Variants in C10orf143 observed in about 807,000 individuals in gnomAD.
The protein encoded by C10orf143 is chromosome 10 open reading frame 143.
Position 130,079,817 on chromosome 10 carries a change from G to A in C10orf143, c.154C>T (p.Pro52Ser), listed in dbSNP as rs934622546. 2.3e-5 allele frequency: 9 copies of A among 398,510 alleles called. No individual in the cohort carries two copies. The highest frequency in any genetic ancestry group is 1.0e-4 in the African/African-American group (5 of 48,618). The allele number at this position is 398,510 out of a possible 1,614,324, so 24.7% of individuals were successfully genotyped here. Residue 52 changes from proline (P) to serine (S), a missense_variant, in exon 2 of 4, where the codon CCA (proline) becomes TCA (serine). By Grantham distance (74) the Pro-to-Ser change is moderately conservative (BLOSUM62 -1). Coordinates refer to ENST00000637128, the MANE Select transcript of C10orf143 (RefSeq NM_001355042.2). ...CTTGATGGAAGCTCCCGGTCCTCTG[G>A]GCCCCAGGACGCCAGGGCACAGGCA... ...VNACALASWGPEDRELPSRGC... is the reference protein window; with the variant it reads ...VNACALASWGSEDRELPSRGC...
At chr10:130,050,106 A>G (rs1860719458) in intron 3 of C10orf143, among the ~76,000 whole-genome samples, 2 of 152,242 alleles carry the variant, frequency 1.3e-5, no homozygotes, top group Non-Finnish European at 2.9e-5. Context: ...GGCAGGATTC[A>G]AAAACAGAAA....
intron 1 of C10orf143, chr10:130,107,936 G>A (rs538956395): frequency 1.1e-4 from 152 of 1,410,586 alleles, no homozygotes; most frequent in East Asian, 1.4e-4. Flanking sequence ...TAACTCTGGT[G>A]GACTGTCTGG....
At chr10:130,072,249 A>G (rs1018984887) in intron 3 of C10orf143, among the ~76,000 whole-genome samples, 4 of 152,204 alleles carry the variant, frequency 2.6e-5, no homozygotes, top group African/African-American at 9.7e-5. Flanking sequence ...TCTGATGGAT[A>G]ATTTCCCTTG....
downstream of C10orf143, chr10:130,063,890 AG>A (rs149359471): frequency 6.5e-6 from 1 of 153,362 alleles, no homozygotes; most frequent in African/African-American, 2.4e-5. Flanking sequence ...CTCCAAGATT[AG>A]AACATTTTAA....
intron 1 of C10orf143, chr10:130,105,926 C>A: frequency 2.7e-6 from 1 of 373,300 alleles, no homozygotes. Flanking sequence ...GCAGCCGGCT[C>A]CACAATGGTC....
At chr10:130,083,094 G>T (rs989420507) in intron 1 of C10orf143, among the ~76,000 whole-genome samples, 1 of 152,022 alleles carries the variant, frequency 6.6e-6, no homozygotes, top group Non-Finnish European at 1.5e-5. Flanking sequence ...AGCAAAAAAG[G>T]ACCAAAAACC....
At chr10:130,106,135 G>C (rs774533711) in intron 1 of C10orf143, 1 of 732,808 alleles carries the variant, frequency 1.4e-6, no homozygotes, top group African/African-American at 1.7e-5. Context: ...CTGAAAGTAT[G>C]AGACTGGATT....
chr10:130,082,728 C>T (rs892332575), intron 1 of C10orf143, among the ~76,000 whole-genome samples: 3 of 152,190 alleles, frequency 2.0e-5, no homozygotes, highest in Admixed American at 1.3e-4. Flanking sequence ...TCTTTATCAG[C>T]AGCGTGAAAA....
intron 3 of C10orf143, among the ~76,000 whole-genome samples, chr10:130,075,547 C>T (rs1479759735): frequency 6.6e-6 from 1 of 152,132 alleles, no homozygotes; most frequent in Non-Finnish European, 1.5e-5. Context: ...AACAGAGGGA[C>T]TGTAACAAGA....
At chr10:130,108,355 AC>A (rs1861699877) in intron 1 of C10orf143, 1 of 1,287,246 alleles carries the variant, frequency 7.8e-7, no homozygotes, top group Non-Finnish European at 1.1e-6. Flanking sequence ...TTTTCCCCCG[AC>A]CCCCACATTC....
intron 3 of C10orf143, among the ~76,000 whole-genome samples, chr10:130,052,985 G>A (rs1860753391): frequency 6.6e-6 from 1 of 152,212 alleles, no homozygotes; most frequent in South Asian, 2.1e-4. Context: ...TCTATGAATT[G>A]TGTATACAGA....
chr10:130,049,608 G>A lies in C10orf143; in HGVS notation c.298-13638C>T, dbSNP rs931472783. On this transcript the variant is annotated intron_variant and NMD_transcript_variant, in intron 3 of 5. Coordinates refer to the C10orf143 transcript ENST00000643056. ...CACTCAGACCGGTGGGTGCTCAAAG[G>A]TGGGTCCTGATAAGGGAACCTACAG... 3.9e-5 allele frequency among the ~76,000 whole-genome samples: 6 copies of A among 152,284 alleles called. No individual in the cohort carries two copies. In the East Asian group the frequency reaches 7.7e-4, roughly 20 times the overall value.
Position 130,093,226 on chromosome 10 carries a change from A to G in C10orf143, c.70-13325T>C, listed in dbSNP as rs183781742. On this transcript the variant is annotated intron_variant, in intron 1 of 3. Coordinates refer to ENST00000637128, the MANE Select transcript of C10orf143 (RefSeq NM_001355042.2). ...AAATCAAAACAGTCTCTCAGACCACAGTGCAATCAAATTAGAATTCAGGAT... is the reference window on the plus strand; with the variant it reads ...AAATCAAAACAGTCTCTCAGACCACGGTGCAATCAAATTAGAATTCAGGAT... Among the ~76,000 whole-genome samples, 86 of 152,382 alleles carry G rather than the reference A, an allele frequency of 5.6e-4. 1 individual carries two copies. Among genetic ancestry groups the G allele is most frequent in the African/African-American group, 1.9e-3 (80 of 41,592 alleles).
intron 1 of C10orf143, among the ~76,000 whole-genome samples, chr10:130,082,005 C>T (rs1295960702): frequency 6.6e-6 from 1 of 151,560 alleles, no homozygotes; most frequent in Non-Finnish European, 1.5e-5. Context: ...AATAAAACAA[C>T]TCCTGGACAC....
chr10:130,053,989 T>C (rs1860768878), intron 3 of C10orf143, among the ~76,000 whole-genome samples: 2 of 152,166 alleles, frequency 1.3e-5, no homozygotes, highest in Admixed American at 1.3e-4. Flanking sequence ...CCACCGTGGG[T>C]CATGGGCCAG....
At chr10:130,102,554 G>T (rs927852569) in intron 1 of C10orf143, among the ~76,000 whole-genome samples, 4 of 152,086 alleles carry the variant, frequency 2.6e-5, no homozygotes, top group African/African-American at 4.8e-5. Flanking sequence ...GATTAAAGGC[G>T]TGAGCCACTG....
rs1284192001 is a variant in C10orf143 at position 130,056,157 on chromosome 10, A to T, written c.298-20187T>A. Among the ~76,000 whole-genome samples, 1 of 152,130 alleles carries T rather than the reference A, an allele frequency of 6.6e-6. No individual in the cohort carries two copies. Among genetic ancestry groups the T allele is most frequent in the Non-Finnish European group, 1.5e-5 (1 of 68,028 alleles). ...TAAGTAAATTTAGATGTCAGAAAGG[A>T]AATCTTGTTTGTCCTGATTTAGGGC... On this transcript the variant is annotated intron_variant and NMD_transcript_variant, in intron 3 of 5. Transcript: ENST00000643056. The surrounding 1 kb of genome is among the most constrained non-coding windows in gnomAD (Gnocchi z 4.6).
At chr10:130,108,286 A>C in intron 1 of C10orf143, 1 of 1,571,874 alleles carries the variant, frequency 6.4e-7, no homozygotes. Flanking sequence ...CTCCGTTTGC[A>C]ATGAGAAATG....
At chr10:130,082,934 T>C (rs1325859005) in intron 1 of C10orf143, among the ~76,000 whole-genome samples, 1 of 152,032 alleles carries the variant, frequency 6.6e-6, no homozygotes, top group African/African-American at 2.4e-5. Flanking sequence ...TTTGACTATA[T>C]GAAAATAAAA....
Sources: allele counts gnomAD v4.1 joint callset (sites outside exome capture counted in the v4.1 genomes callset), GRCh38; gene constraint gnomAD v4.1.1; non-coding constraint Gnocchi (gnomAD v3.1); transcripts MANE v1.5; gene names NCBI Gene and HGNC (gene_info 2026-07-23, HGNC 2026-07-21).